The following TRIM66 variants were observed in gnomAD, a reference collection of about 807,000 sequenced individuals.
TRIM66 encodes tripartite motif-containing protein 66.
TRIM66 carries 99 observed loss-of-function variants against 148.2 expected under a neutral mutation model. That is an observed-to-expected ratio of 0.67 (90% CI 0.57 to 0.79). TRIM66 has a LOEUF of 0.79. TRIM66 is among the 30% of genes least tolerant of loss of function. TRIM66 has a pLI of 0.00. For missense variants in TRIM66, 1,666 were observed against 1,697.9 expected (o/e 0.98, Z 0.33); for synonymous variants, 616 against 635.9 (o/e 0.97, Z 0.47).
intron 3 of TRIM66, among the ~76,000 whole-genome samples, chr11:8,676,669 T>C (rs961222720): frequency 6.6e-6 from 1 of 152,236 alleles, no homozygotes; most frequent in Non-Finnish European, 1.5e-5. Flanking sequence ...AATGAGTTTC[T>C]GATTTGAGAA....
In TRIM66 at chr11:8,653,346, A is replaced by G. The variant is rs376681413; in HGVS notation, c.341-1443T>C. ...CCAACAGAATGCAGCAAAAGTGACA[A>G]GTTTTCCAAGCCTAGACCTCAGTGG... On this transcript the variant is annotated intron_variant, in intron 6 of 24. Transcript: ENST00000646038. Among the ~76,000 whole-genome samples, 4 of 152,322 alleles carry G rather than the reference A, an allele frequency of 2.6e-5. No homozygotes were observed. The East Asian group carries it at 7.7e-4, about 29-fold the overall frequency.
At chr11:8,653,348 T>C (rs1049562116) in intron 6 of TRIM66, among the ~76,000 whole-genome samples, 28 of 152,286 alleles carry the variant, frequency 1.8e-4, no homozygotes, top group African/African-American at 6.3e-4. Flanking sequence ...AAGTGACAAG[T>C]TTTCCAAGCC....
At chr11:8,659,421 A>T (rs1407562349) in intron 6 of TRIM66, among the ~76,000 whole-genome samples, 2 of 152,168 alleles carry the variant, frequency 1.3e-5, no homozygotes, top group Non-Finnish European at 2.9e-5. Flanking sequence ...ACAGGACACA[A>T]GCAAATTAGG....
chr11:8,648,591 A>T (rs1329047069), intron 8 of TRIM66, 43 bp from the exon 9 acceptor site: 2 of 1,548,986 alleles, frequency 1.3e-6, no homozygotes, highest in East Asian at 4.9e-5. Context: ...TTGCTCAGGT[A>T]GACAAACCTC....
intron 17 of TRIM66, among the ~76,000 whole-genome samples, chr11:8,623,401 C>T (rs2034497064): frequency 6.6e-6 from 1 of 152,200 alleles, no homozygotes; most frequent in African/African-American, 2.4e-5. Flanking sequence ...CCATTCAGCA[C>T]CAGGCAAGGT....
In TRIM66 at chr11:8,619,467, C is replaced by G. The variant is rs1343980448; in HGVS notation, c.3816G>C (p.Lys1272Asn). The change falls in exon 23 of 25, where the codon AAG becomes AAC. Residue 1272 changes from lysine to asparagine, a missense_variant. By Grantham distance (94) the Lys-to-Asn change is moderately conservative. Around this residue, in one of 3 missense-constraint regions of TRIM66, gnomAD observed 204 missense variants for 231.0 expected, o/e 0.88. Transcript: ENST00000646038. ...GGGTGGTATAGTGAGCTGGGTCCTT[C>G]TTTTGCAGCTTCCTCCGGATGATTG... ...DLSIIRRKLQKKDPAHYTTPE... is the reference protein window; with the variant it reads ...DLSIIRRKLQNKDPAHYTTPE... 1 of 1,551,310 alleles carries G rather than the reference C, an allele frequency of 6.4e-7. No individual in the cohort carries two copies. The highest frequency in any genetic ancestry group is 1.4e-5 in the African/African-American group (1 of 73,042).
intron 13 of TRIM66, among the ~76,000 whole-genome samples, chr11:8,641,676 C>T (rs1294400373): frequency 1.3e-5 from 2 of 152,188 alleles, no homozygotes; most frequent in East Asian, 3.9e-4. Flanking sequence ...TGTGTCCCCG[C>T]CCAAATCTCA....
chr11:8,672,404 A>G lies in TRIM66; in HGVS notation c.-111-19T>C. On this transcript the variant is annotated intron_variant, in intron 4 of 24. Coordinates refer to ENST00000646038, the MANE Select transcript of TRIM66 (RefSeq NM_001388022.1). ...GCTTGACCTAAGTTTCAATTTTGGA[A>G]AAAGGAAGAAAATTGCATTATTGAC... 1 of 1,487,798 alleles carries G rather than the reference A, an allele frequency of 6.7e-7. No homozygotes were observed. The highest frequency in any genetic ancestry group is 8.9e-7 in the Non-Finnish European group (1 of 1,125,332). 92.2% of individuals were successfully genotyped at this position (1,487,798 alleles called of 1,614,324 possible). A position where few individuals can be genotyped will look rare whatever the true frequency, so the allele number is the denominator to read the frequency against.
chr11:8,650,081 A>C (rs1201459242), intron 7 of TRIM66, among the ~76,000 whole-genome samples, 194 bp from the exon 8 acceptor site: 1 of 152,170 alleles, frequency 6.6e-6, no homozygotes, highest in Non-Finnish European at 1.5e-5. Context: ...AACCAAAAGA[A>C]CAGTGGCTAC....
chr11:8,681,658 A>C (rs2039434497), intron 1 of TRIM66, among the ~76,000 whole-genome samples: 1 of 151,982 alleles, frequency 6.6e-6, no homozygotes, highest in Non-Finnish European at 1.5e-5. Flanking sequence ...TGCTGCTATT[A>C]GCGAAGACAG....
At chr11:8,669,963 T>C (rs1411236250) in intron 6 of TRIM66, among the ~76,000 whole-genome samples, 1 of 152,060 alleles carries the variant, frequency 6.6e-6, no homozygotes, top group Non-Finnish European at 1.5e-5. Flanking sequence ...ACCCAGGTAA[T>C]AATCACAGTA....
Position 8,618,775 on chromosome 11 carries a change from T to C in TRIM66, c.4094A>G (p.Gln1365Arg). 1 of 1,550,946 alleles carries C rather than the reference T, an allele frequency of 6.4e-7. No homozygotes were observed. The highest frequency in any genetic ancestry group is 8.7e-7 in the Non-Finnish European group (1 of 1,146,834). The stretch of plus-strand genomic sequence containing the variant: ...CATATGTCGTCGCCGCCTCTTGGGT[T>C]GGATGCCCTCCTGCATGTAGGGAGG... Reference protein sequence around the residue: ...PWPPYMQEGIQPKRRRRHMEN... With the variant: ...PWPPYMQEGIRPKRRRRHMEN... The change falls in exon 24 of 25, where the codon CAA becomes CGA. Residue 1365 changes from glutamine (Q) to arginine (R), a missense_variant. Transcript: ENST00000646038.
chr11:8,631,773 C>T (rs2035420731), intron 15 of TRIM66, among the ~76,000 whole-genome samples: 1 of 152,218 alleles, frequency 6.6e-6, no homozygotes. Flanking sequence ...CTTGCTAGAT[C>T]AAGAACACCG....
intron 3 of TRIM66, among the ~76,000 whole-genome samples, chr11:8,675,972 C>T (rs1033151032): frequency 2.6e-5 from 4 of 152,136 alleles, no homozygotes; most frequent in Admixed American, 1.3e-4. Context: ...CTCCAGACCT[C>T]GTGATCCACC....
intron 15 of TRIM66, among the ~76,000 whole-genome samples, chr11:8,629,222 C>G (rs1565491768): frequency 6.6e-6 from 1 of 152,166 alleles, no homozygotes; most frequent in Non-Finnish European, 1.5e-5. Flanking sequence ...TTCTAATATT[C>G]TATATTTCCT....
chr11:8,619,010 C>T, intron 23 of TRIM66, 42 bp from the exon 24 acceptor site: 3 of 1,521,230 alleles, frequency 2.0e-6, no homozygotes, highest in Non-Finnish European at 2.7e-6. Flanking sequence ...CCTGTTTCTA[C>T]CAGTCCATCT....
In TRIM66 at chr11:8,646,465, C is replaced by T. The variant is rs2036855524; in HGVS notation, c.939G>A (p.Gly313=). 6.4e-7 allele frequency: 1 copy of T among 1,552,118 alleles called. No homozygotes were observed. Among genetic ancestry groups the T allele is most frequent in the Non-Finnish European group, 8.7e-7 (1 of 1,147,082 alleles). Residue 313 remains glycine (G), a synonymous_variant, in exon 11 of 25, where the codon GGG becomes GGA. Coordinates refer to ENST00000646038, the MANE Select transcript of TRIM66 (RefSeq NM_001388022.1). ...TACATACCTCTAATTCCTCTATTAG[C>T]CCATTGGCCTGTTTGTTCAGCTCAT... ...LMNELNKQAN[G]LIEELEGITN...
At position 8,640,211 on chromosome 11, in the gene TRIM66, C is replaced by A. The variant is rs1359675926; in HGVS notation, c.2148+16G>T. 3 of 1,547,070 alleles carry A rather than the reference C, an allele frequency of 1.9e-6. No homozygotes were observed. In the African/African-American group the frequency reaches 4.1e-5, roughly 21 times the overall value. On this transcript the variant is annotated intron_variant, in intron 14 of 24. Transcript: ENST00000646038. ...CGATGGGCAGAATATGCACGCCAAG[C>A]CACCCTGACGCTTACCTGCAGGGTC...
Position 8,671,877 on chromosome 11 carries a change from T to G in TRIM66, c.249A>C (p.Leu83=), listed in dbSNP as rs897994696. 5 of 1,535,968 alleles carry G rather than the reference T, an allele frequency of 3.3e-6. No individual in the cohort carries two copies. Among genetic ancestry groups the G allele is most frequent in the Middle Eastern group, 1.7e-4 (1 of 6,012 alleles). The part of the protein sequence containing the change: ...QDLPGMGSHL[L]SCQHLLRKDC... ...CCTTACGGAGCAAATGCTGGCAGGA[T>G]AGGAGATGAGAGCCCATACCTGGCA... Residue 83 remains leucine (L), a synonymous_variant, in exon 6 of 25, where the codon CTA becomes CTC. Coordinates refer to ENST00000646038, the MANE Select transcript of TRIM66 (RefSeq NM_001388022.1).
Sources: gnomAD v4.1 joint callset for allele counts (sites outside exome capture counted in the v4.1 genomes callset) on GRCh38, gnomAD v4.1.1 for gene constraint, gnomAD v4.1.1 regional missense constraint, MANE v1.5 for transcripts, NCBI Gene and HGNC (gene_info 2026-07-23, HGNC 2026-07-21) for gene names.